The following CASR variants were observed in gnomAD, a reference collection of about 807,000 sequenced individuals.
CASR encodes the protein calcium sensing receptor.
A neutral mutation model predicts 69.1 loss-of-function variants in CASR; 23 were observed. That is an observed-to-expected ratio of 0.33 (90% CI 0.24 to 0.47). The LOEUF (loss-of-function observed/expected upper bound fraction) is 0.47. CASR is among the 20% of genes least tolerant of loss of function. CASR has a pLI of 1.00. For missense variants in CASR, 924 were observed against 1,356.1 expected, an observed-to-expected ratio of 0.68 and a Z score of 5.00; for synonymous variants, 541 against 544.7, an observed-to-expected ratio of 0.99 and a Z score of 0.10.
intron 1 of CASR, among the ~76,000 whole-genome samples, chr3:122,217,196 C>T (rs1281027859): frequency 1.7e-4 from 26 of 151,824 alleles, no homozygotes; most frequent in Non-Finnish European, 3.4e-4. Flanking sequence ...ACCTCCATCT[C>T]CCGGGCTCAA....
Position 122,252,358 on chromosome 3 carries a change from AGAAAGAAG to A in CASR, c.-242-1586_-242-1579del, listed in dbSNP as rs1255835843. ...AGAGAAAGAAAGAAGAAAGAAAGAA[AGAAAGAAG>A]GAAGGAAGGAAGGAAGGAAGGAAGG... is the stretch of plus-strand genomic sequence containing the variant. On this transcript the variant is annotated intron_variant, in intron 1 of 6. Transcript: ENST00000639785. Among the ~76,000 whole-genome samples the A allele has an allele frequency of 4.6e-3, 245 of 53,326 alleles. 1 individual carries two copies. The highest frequency in any genetic ancestry group is 0.012 in the Middle Eastern group (2 of 166). 35.0% of individuals were successfully genotyped at this position (53,326 alleles called of 152,430 possible).
intron 1 of CASR, among the ~76,000 whole-genome samples, chr3:122,201,903 C>A (rs1228190421): frequency 6.6e-6 from 1 of 151,200 alleles, no homozygotes; most frequent in African/African-American, 2.4e-5. Flanking sequence ...GATGGGATGG[C>A]GGCCGGGCAG....
At chr3:122,229,496 G>T (rs2074259816) in intron 1 of CASR, among the ~76,000 whole-genome samples, 1 of 151,860 alleles carries the variant, frequency 6.6e-6, no homozygotes, top group African/African-American at 2.4e-5. Context: ...ATATCTTAAT[G>T]TTCCAATAAA....
Position 122,234,904 on chromosome 3 carries a change from G to C in CASR, c.-242-19044G>C, listed in dbSNP as rs889888122. Among the ~76,000 whole-genome samples, 3 of 152,204 alleles carry C rather than the reference G, an allele frequency of 2.0e-5. No homozygotes were observed. The South Asian group carries it at 6.2e-4, about 32-fold the overall frequency. Reference sequence around the variant, plus strand: ...TCCAGGATTTATTTTTTAAATGCTGGTTCCTGATTCTTCTGGGCAAAGCCG... The same window carrying C: ...TCCAGGATTTATTTTTTAAATGCTGCTTCCTGATTCTTCTGGGCAAAGCCG... On this transcript the variant is annotated intron_variant, in intron 1 of 6. Transcript: ENST00000639785.
intron 1 of CASR, among the ~76,000 whole-genome samples, chr3:122,202,356 G>A (rs140670947): frequency 0.18 from 26,520 of 148,128 alleles, 2,441 homozygotes; most frequent in African/African-American, 0.22. Context: ...GCAGTGAGCC[G>A]AGATGGCAGC....
chr3:122,198,859 G>T (rs1350658552), intron 1 of CASR, among the ~76,000 whole-genome samples: 1 of 151,588 alleles, frequency 6.6e-6, no homozygotes, highest in Non-Finnish European at 1.5e-5. Flanking sequence ...ATATATGGGG[G>T]ATAAAGAATA....
intron 6 of CASR, among the ~76,000 whole-genome samples, chr3:122,282,526 G>A (rs7618852): frequency 0.018 from 2,691 of 152,286 alleles, 72 homozygotes; most frequent in African/African-American, 0.059. Context: ...GCCCTGCATG[G>A]ACACAGTTAT....
intron 6 of CASR, among the ~76,000 whole-genome samples, chr3:122,283,245 CACA>C (rs1346652753): frequency 1.3e-5 from 2 of 152,174 alleles, no homozygotes; most frequent in African/African-American, 2.4e-5. Context: ...ATATGTATCC[CACA>C]ACATTATGTT....
chr3:122,291,493 T>C lies in CASR; in HGVS notation c.*6302T>C, dbSNP rs7614328. 84,449 of 152,070 alleles carry C rather than the reference T, an allele frequency of 0.56. 26,032 individuals are homozygous for C. Among genetic ancestry groups the C allele is most frequent in the Middle Eastern group, 0.73 (216 of 294 alleles). The allele number at this position is 152,070 out of a possible 1,614,324, so 9.4% of individuals were successfully genotyped here. A position where few individuals can be genotyped will look rare whatever the true frequency, so the allele number is the denominator to read the frequency against. On this transcript the variant is annotated 3_prime_UTR_variant, in exon 7 of 7. Transcript: ENST00000639785. ...CTCTGATGGCCAGTGATGATGAGCA[T>C]TATAAATGAAGATTGCTTGGTAGTG...
chr3:122,254,100 G>A lies in CASR; in HGVS notation c.-90G>A, dbSNP rs1257990568. 3.6e-6 allele frequency: 4 copies of A among 1,123,078 alleles called. No homozygotes were observed. Among genetic ancestry groups the A allele is most frequent in the Admixed American group, 1.7e-5 (1 of 59,386 alleles). 69.6% of individuals were successfully genotyped at this position (1,123,078 alleles called of 1,614,324 possible). A position where few individuals can be genotyped will look rare whatever the true frequency, so the allele number is the denominator to read the frequency against. ...CAATCTGTAGACATGTGTCCCCACT[G>A]CAGGGAGTGAACTGCTCCAAGGGAG... On this transcript the variant is annotated 5_prime_UTR_variant, in exon 2 of 7. Transcript: ENST00000639785.
intron 1 of CASR, among the ~76,000 whole-genome samples, chr3:122,205,211 G>T (rs1284899496): frequency 1.3e-5 from 2 of 151,942 alleles, no homozygotes; most frequent in African/African-American, 4.8e-5. Context: ...CATAGTTTCG[G>T]GTCTTATATT....
intron 1 of CASR, among the ~76,000 whole-genome samples, chr3:122,214,646 C>T (rs2074098790): frequency 6.6e-6 from 1 of 152,184 alleles, no homozygotes; most frequent in African/African-American, 2.4e-5. Context: ...AATTGTCATT[C>T]ATTTTGTACA....
chr3:122,185,292 CT>C (rs1368448433), intron 1 of CASR, among the ~76,000 whole-genome samples: 1 of 152,188 alleles, frequency 6.6e-6, no homozygotes, highest in African/African-American at 2.4e-5. Flanking sequence ...CTGTCGCCGT[CT>C]TTTGATTCTT....
At chr3:122,230,473 T>C (rs902290161) in intron 1 of CASR, among the ~76,000 whole-genome samples, 2 of 152,206 alleles carry the variant, frequency 1.3e-5, no homozygotes, top group South Asian at 4.1e-4. Context: ...GGGATGCTGC[T>C]GACCGTGGAG....
chr3:122,272,015 T>G (rs1470481469), intron 4 of CASR, among the ~76,000 whole-genome samples: 1 of 152,118 alleles, frequency 6.6e-6, no homozygotes, highest in Non-Finnish European at 1.5e-5. Flanking sequence ...CACCTTTGGT[T>G]GTTATGAGTA....
intron 1 of CASR, among the ~76,000 whole-genome samples, chr3:122,222,282 C>T (rs562453609): frequency 7.6e-4 from 116 of 152,238 alleles, no homozygotes; most frequent in African/African-American, 2.8e-3. Context: ...TTTTAATAGC[C>T]TGTGTACTCT....
chr3:122,189,840 C>T (rs373337795), intron 1 of CASR, among the ~76,000 whole-genome samples: 3 of 152,298 alleles, frequency 2.0e-5, no homozygotes, highest in East Asian at 3.9e-4. Context: ...TTTTGCTTTT[C>T]TCCTCTTAAC....
chr3:122,239,614 C>A lies in CASR; in HGVS notation c.-242-14334C>A, dbSNP rs572516369. ...TGGTTACAGCAGGCCTGGGGCAAGACCCAGTGCTGTGACGGCTTCAGGCCT... is the reference window on the plus strand; with the variant it reads ...TGGTTACAGCAGGCCTGGGGCAAGAACCAGTGCTGTGACGGCTTCAGGCCT... On this transcript the variant is annotated intron_variant, in intron 1 of 6. Coordinates refer to ENST00000639785, the MANE Select transcript of CASR (RefSeq NM_000388.4). Among the ~76,000 whole-genome samples the A allele has an allele frequency of 2.5e-4, 38 of 152,318 alleles. No individual in the cohort carries two copies. In the South Asian group the frequency reaches 6.4e-3, roughly 26 times the overall value.
intron 1 of CASR, among the ~76,000 whole-genome samples, chr3:122,198,072 A>G (rs1051939652): frequency 3.3e-5 from 5 of 152,228 alleles, no homozygotes; most frequent in Admixed American, 6.5e-5. Context: ...TGATTATAGA[A>G]GGAATAATTA....
Sources: allele counts gnomAD v4.1 joint callset (sites outside exome capture counted in the v4.1 genomes callset), GRCh38; gene constraint gnomAD v4.1.1; transcripts MANE v1.5; gene names NCBI Gene and HGNC (gene_info 2026-07-23, HGNC 2026-07-21).